LIN7B: variants seen among roughly 807,000 people sequenced by gnomAD.
LIN7B encodes protein lin-7 homolog B.
LIN7B carries 16 observed loss-of-function variants against 27.9 expected under a neutral mutation model. The ratio of observed to expected loss-of-function variants is 0.57; its 90% CI spans 0.39 to 0.87. LIN7B has a LOEUF of 0.87. Among genes scored for constraint, LIN7B ranks in the 40% least tolerant of loss-of-function variants. The probability of loss-of-function intolerance (pLI) is 0.00; values close to 1 mark genes in which losing one functional copy is unlikely to be tolerated. For missense variants in LIN7B, 291 were observed against 288.5 expected (o/e 1.01, Z -0.06); for synonymous variants, 147 against 120.8 (o/e 1.22, Z -1.42).
chr19:49,115,144 T>C (rs2040804735), intron 2 of LIN7B, 116 bp from the exon 3 acceptor site: 1 of 995,476 alleles, frequency 1.0e-6, no homozygotes, highest in Non-Finnish European at 1.4e-6. Flanking sequence ...CGGCCTTCTG[T>C]TGCGGGGGCG....
In LIN7B at chr19:49,116,375, ACT is replaced by A; in HGVS notation, c.343_344del (p.Ser115AlafsTer14). ...AACATCATGGGTGGCAAAGAGCAAAACTCGCCCATCTACATCTCCCGGGTCAT... is the reference window on the plus strand; with the variant it reads ...AACATCATGGGTGGCAAAGAGCAAAACGCCCATCTACATCTCCCGGGTCAT... On this transcript the variant is annotated frameshift_variant, in exon 4 of 6. Coordinates refer to ENST00000221459, the MANE Select transcript of LIN7B (RefSeq NM_022165.3). LOFTEE classifies it high-confidence loss of function. 6.2e-7 allele frequency: 1 copy of A among 1,614,064 alleles called. No individual in the cohort carries two copies. Among genetic ancestry groups the A allele is most frequent in the Non-Finnish European group, 8.5e-7 (1 of 1,180,006 alleles).
chr19:49,118,019 GT>G lies in LIN7B; in HGVS notation c.602+2del. On this transcript the variant is annotated splice_donor_variant, in intron 5 of 5. Transcript: ENST00000221459. LOFTEE classifies it high-confidence loss of function. Reference sequence around the variant, plus strand: ...GGCGCCAACAGCATCAGAGCTACTCGTGAGCCCCTGGGTCACCACACCCCTG... The same window carrying G: ...GGCGCCAACAGCATCAGAGCTACTCGGAGCCCCTGGGTCACCACACCCCTG... The G allele has an allele frequency of 6.2e-7, 1 of 1,613,788 alleles. No homozygotes were observed. Among genetic ancestry groups the G allele is most frequent in the Non-Finnish European group, 8.5e-7 (1 of 1,179,910 alleles).
At position 49,118,418 on chromosome 19, in the gene LIN7B, A is replaced by G; in HGVS notation, c.*45A>G. ...CACGTGCACTCTCTTCCTGTACAGT[A>G]TTTATTGTTCCTGGCACTTTATTTA... On this transcript the variant is annotated 3_prime_UTR_variant, in exon 6 of 6. Coordinates refer to ENST00000221459, the MANE Select transcript of LIN7B (RefSeq NM_022165.3). 1 of 1,607,902 alleles carries G rather than the reference A, an allele frequency of 6.2e-7. No individual in the cohort carries two copies. Among genetic ancestry groups the G allele is most frequent in the Non-Finnish European group, 8.5e-7 (1 of 1,174,398 alleles).
rs1186860120 is a variant in LIN7B, at chr19:49,118,401, C to T, written c.*28C>T. The T allele has an allele frequency of 1.2e-6, 2 of 1,612,170 alleles. No homozygotes were observed. Among genetic ancestry groups the T allele is most frequent in the African/African-American group, 1.3e-5 (1 of 74,890 alleles). On this transcript the variant is annotated 3_prime_UTR_variant, in exon 6 of 6. Transcript: ENST00000221459. Reference sequence around the variant, plus strand: ...CCACAGATCTGGACGTTCACGTGCACTCTCTTCCTGTACAGTATTTATTGT... The same window carrying T: ...CCACAGATCTGGACGTTCACGTGCATTCTCTTCCTGTACAGTATTTATTGT...
chr19:49,115,418 C>A, intron 3 of LIN7B, 87 bp downstream of exon 3: 1 of 1,200,966 alleles, frequency 8.3e-7, no homozygotes, highest in Non-Finnish European at 1.2e-6. Flanking sequence ...TTTCTGTTTC[C>A]TCCCTCATGA....
At chr19:49,116,816 G>T (rs1032861642) in intron 4 of LIN7B, among the ~76,000 whole-genome samples, 3 of 152,232 alleles carry the variant, frequency 2.0e-5, no homozygotes, top group African/African-American at 7.2e-5. Flanking sequence ...GGATGAGTAG[G>T]AGTTCTCCAG....
At chr19:49,115,421 C>A in intron 3 of LIN7B, 90 bp downstream of exon 3, 2 of 1,201,852 alleles carry the variant, frequency 1.7e-6, no homozygotes, top group Non-Finnish European at 2.3e-6. Context: ...CTGTTTCCTC[C>A]CTCATGATTT....
At position 49,115,256 on chromosome 19, in the gene LIN7B, C is replaced by T. The variant is rs2040806816; in HGVS notation, c.157-4C>T. 1 of 1,552,536 alleles carries T rather than the reference C, an allele frequency of 6.4e-7. No homozygotes were observed. Among genetic ancestry groups the T allele is most frequent in the African/African-American group, 1.4e-5 (1 of 73,130 alleles). On this transcript the variant is annotated splice_region_variant and splice_polypyrimidine_tract_variant and intron_variant, in intron 2 of 5. Transcript: ENST00000221459. Reference sequence around the variant, plus strand: ...CTCCCTGATGCCGCTGCCTCCTCACCCAGGTGTATGAGCAGCTTTATGACA... The same window carrying T: ...CTCCCTGATGCCGCTGCCTCCTCACTCAGGTGTATGAGCAGCTTTATGACA...
intron 1 of LIN7B, 102 bp from the exon 2 acceptor site, chr19:49,114,747 C>G (rs1278163546): frequency 3.0e-6 from 2 of 664,144 alleles, no homozygotes; most frequent in Non-Finnish European, 4.6e-6. Context: ...CGGCCGTCCT[C>G]CCCGGACTGT....
intron 4 of LIN7B, among the ~76,000 whole-genome samples, chr19:49,116,878 G>A (rs2040834429): frequency 6.6e-6 from 1 of 152,158 alleles, no homozygotes; most frequent in Non-Finnish European, 1.5e-5. Context: ...TAAGGATACT[G>A]ACTTGGCATA....
At chr19:49,117,781 G>A (rs1177817130) in intron 4 of LIN7B, 74 bp from the exon 5 acceptor site, 3 of 1,347,992 alleles carry the variant, frequency 2.2e-6, no homozygotes, top group East Asian at 4.6e-5. Context: ...CACTAGCAGT[G>A]GGTCCCATCT....
chr19:49,115,060 G>T, intron 2 of LIN7B, 93 bp downstream of exon 2: 2 of 979,388 alleles, frequency 2.0e-6, no homozygotes, highest in Non-Finnish European at 1.4e-6. Flanking sequence ...TACGCCTCCC[G>T]GCAGCTCCCG....
At chr19:49,118,293 C>T (rs2040869233) in intron 5 of LIN7B, 59 bp from the exon 6 acceptor site, 4 of 1,589,236 alleles carry the variant, frequency 2.5e-6, no homozygotes, top group Admixed American at 3.3e-5. Flanking sequence ...CCCAGTCCTG[C>T]CCCTCTTGTC....
intron 4 of LIN7B, among the ~76,000 whole-genome samples, chr19:49,116,764 G>A (rs1209191678): frequency 3.3e-5 from 5 of 152,222 alleles, no homozygotes; most frequent in Non-Finnish European, 5.9e-5. Flanking sequence ...ATAGATACAG[G>A]AAGGTTTTGC....
Position 49,115,337 on chromosome 19 carries a change from C to A in LIN7B, c.228+6C>A. ...GAGCCCATGCCACAGCCAAGGTGGG[C>A]CCCGCACCCCATTGCTCCTGGTGTC... On this transcript the variant is annotated splice_donor_region_variant and intron_variant, in intron 3 of 5. Coordinates refer to ENST00000221459, the MANE Select transcript of LIN7B (RefSeq NM_022165.3). 6.4e-7 allele frequency: 1 copy of A among 1,566,814 alleles called. No homozygotes were observed. The highest frequency in any genetic ancestry group is 8.7e-7 in the Non-Finnish European group (1 of 1,154,600).
chr19:49,114,787 GC>G, intron 1 of LIN7B, 61 bp from the exon 2 acceptor site: 1 of 1,025,526 alleles, frequency 9.8e-7, no homozygotes, highest in East Asian at 3.1e-5. Flanking sequence ...CGCTCTCCTT[GC>G]TTCTCTGCGT....
chr19:49,116,506 C>T, intron 4 of LIN7B, 34 bp downstream of exon 4: 1 of 1,584,584 alleles, frequency 6.3e-7, no homozygotes, highest in East Asian at 2.2e-5. Context: ...CTGGGGGACA[C>T]AGTCTGTCTA....
chr19:49,117,169 C>T (rs181936132), intron 4 of LIN7B, among the ~76,000 whole-genome samples: 10 of 150,272 alleles, frequency 6.7e-5, no homozygotes, highest in Non-Finnish European at 1.5e-5. Flanking sequence ...TCGCTTGAAC[C>T]TGGGAGGCAG....
At position 49,116,400 on chromosome 19, in the gene LIN7B, C is replaced by T. The variant is rs763612232; in HGVS notation, c.366C>T (p.Val122=). ...EQNSPIYISR[V]IPGGVADRHG... The stretch of plus-strand genomic sequence containing the variant: ...ACTCGCCCATCTACATCTCCCGGGT[C>T]ATCCCAGGGGGTGTGGCTGACCGCC... The change falls in exon 4 of 6, where the codon GTC becomes GTT. Residue 122 remains valine (V), a synonymous_variant. Transcript: ENST00000221459. 21 of 1,614,142 alleles carry T rather than the reference C, an allele frequency of 1.3e-5. No homozygotes were observed. The highest frequency in any genetic ancestry group is 1.6e-5 in the Non-Finnish European group (19 of 1,180,050).
Sources: gnomAD v4.1 joint callset for allele counts (sites outside exome capture counted in the v4.1 genomes callset) on GRCh38, gnomAD v4.1.1 for gene constraint, MANE v1.5 for transcripts, NCBI Gene and HGNC (gene_info 2026-07-23, HGNC 2026-07-21) for gene names.